The following DISC1 variants were observed in gnomAD, a reference collection of about 807,000 sequenced individuals.
The protein encoded by DISC1 is DISC1 scaffold protein, also known as disrupted in schizophrenia 1 protein.
DISC1 carries 57 observed loss-of-function variants against 84.5 expected under a neutral mutation model. The observed-to-expected ratio is 0.67, with a 90% CI of 0.55 to 0.84. The LOEUF is 0.84. Among genes scored for constraint, DISC1 ranks in the 40% least tolerant of loss-of-function variants. DISC1 has a pLI of 0.00. For synonymous variants in DISC1, 411 were observed against 415.2 expected, an observed-to-expected ratio of 0.99 and a Z score of 0.12; for missense variants, 1,000 against 1,057.8, an observed-to-expected ratio of 0.95 and a Z score of 0.76.
intron 9 of DISC1, among the ~76,000 whole-genome samples, chr1:231,833,432 G>A (rs1307915359): frequency 6.6e-6 from 1 of 151,678 alleles, no homozygotes; most frequent in African/African-American, 2.4e-5. Flanking sequence ...CATCCATGAT[G>A]GTCTAGGGGG....
At chr1:231,709,184 G>A (rs2067478195) in intron 3 of DISC1, among the ~76,000 whole-genome samples, 2 of 152,170 alleles carry the variant, frequency 1.3e-5, no homozygotes, top group African/African-American at 4.8e-5. Flanking sequence ...TAGTGACTTT[G>A]AGCATTGCCC....
chr1:231,926,113 T>G (rs1190238369), intron 9 of DISC1, among the ~76,000 whole-genome samples: 1 of 152,232 alleles, frequency 6.6e-6, no homozygotes, highest in Non-Finnish European at 1.5e-5. Context: ...AGAGAATTAG[T>G]TATTCCATTT....
chr1:231,863,096 G>T (rs574637807), intron 9 of DISC1, among the ~76,000 whole-genome samples: 1 of 152,028 alleles, frequency 6.6e-6, no homozygotes, highest in African/African-American at 2.4e-5. Flanking sequence ...TTAGCTTGCA[G>T]ATAAGCTCCA....
rs1441842370 is a variant in DISC1 at position 231,887,150 on chromosome 1, G to A, written c.1981+68633G>A. 5.3e-5 allele frequency among the ~76,000 whole-genome samples: 8 copies of A among 152,002 alleles called. No individual in the cohort carries two copies. The East Asian group carries it at 5.8e-4, about 11-fold the overall frequency. ...GCTGGGATTACAGGCGTGAGCCACCGTGCCTGGCCCAGACCTGACTACTTG... is the reference window on the plus strand; with the variant it reads ...GCTGGGATTACAGGCGTGAGCCACCATGCCTGGCCCAGACCTGACTACTTG... On this transcript the variant is annotated intron_variant, in intron 9 of 12. Coordinates refer to ENST00000439617, the MANE Select transcript of DISC1 (RefSeq NM_018662.3).
chr1:231,803,792 C>G (rs1338880535), intron 8 of DISC1, among the ~76,000 whole-genome samples: 2 of 151,902 alleles, frequency 1.3e-5, no homozygotes, highest in East Asian at 1.9e-4. Context: ...ACTAAAAATA[C>G]AAAAAATTAG....
chr1:231,780,116 T>C (rs11122333), intron 6 of DISC1, among the ~76,000 whole-genome samples: 22,946 of 151,590 alleles, frequency 0.15, 2,035 homozygotes, highest in Middle Eastern at 0.22. Context: ...AGGGATAGCA[T>C]TGGGAGATAT....
chr1:231,645,135 C>T (rs2060017241), intron 1 of DISC1, among the ~76,000 whole-genome samples: 1 of 152,092 alleles, frequency 6.6e-6, no homozygotes, highest in Admixed American at 6.5e-5. Flanking sequence ...CATCTATGAC[C>T]TAAACCCCAA....
At chr1:231,714,809 G>A (rs972535557) in intron 3 of DISC1, among the ~76,000 whole-genome samples, 1 of 152,096 alleles carries the variant, frequency 6.6e-6, no homozygotes, top group Non-Finnish European at 1.5e-5. Flanking sequence ...GCTGGAGGAA[G>A]CTCTATCATC....
chr1:231,707,535 T>C (rs78385681), intron 3 of DISC1, among the ~76,000 whole-genome samples: 2 of 152,234 alleles, frequency 1.3e-5, no homozygotes, highest in East Asian at 3.9e-4. Flanking sequence ...ACTACATCCT[T>C]AGCACCTATG....
chr1:231,886,798 T>C (rs1346837459), intron 9 of DISC1, among the ~76,000 whole-genome samples: 5 of 141,654 alleles, frequency 3.5e-5, no homozygotes, highest in African/African-American at 8.3e-5. Flanking sequence ...TTTCTTTCTT[T>C]CTTTCTTTCT....
At chr1:231,881,242 C>A (rs895410989) in intron 9 of DISC1, among the ~76,000 whole-genome samples, 2 of 152,160 alleles carry the variant, frequency 1.3e-5, no homozygotes, top group African/African-American at 4.8e-5. Context: ...GCTTGAGCTG[C>A]CATAACCAAA....
At chr1:232,024,014 AAT>A (rs199585866) in intron 11 of DISC1, among the ~76,000 whole-genome samples, 1,824 of 145,090 alleles carry the variant, frequency 0.013, 20 homozygotes, top group Non-Finnish European at 0.018. Flanking sequence ...GGTCAGTAAA[AAT>A]ATATATATAT....
intron 9 of DISC1, among the ~76,000 whole-genome samples, chr1:231,918,851 G>T (rs1297287463): frequency 1.3e-5 from 2 of 152,110 alleles, no homozygotes; most frequent in Non-Finnish European, 2.9e-5. Flanking sequence ...GTGCACCAGC[G>T]CCCACCTCCG....
intron 6 of DISC1, among the ~76,000 whole-genome samples, chr1:231,773,592 G>C (rs546432980): frequency 2.6e-5 from 4 of 152,118 alleles, no homozygotes; most frequent in Non-Finnish European, 5.9e-5. Context: ...CACCATGTTA[G>C]CCAGGATGGT....
intron 5 of DISC1, among the ~76,000 whole-genome samples, chr1:231,768,478 C>G (rs1473405740): frequency 6.6e-6 from 1 of 152,144 alleles, no homozygotes; most frequent in Non-Finnish European, 1.5e-5. Flanking sequence ...GTTTGGATAG[C>G]TGAAAATGTG....
At chr1:231,764,190 G>A (rs1318175738) in intron 4 of DISC1, among the ~76,000 whole-genome samples, 2 of 152,304 alleles carry the variant, frequency 1.3e-5, no homozygotes, top group African/African-American at 2.4e-5. Flanking sequence ...AGCCACAGAT[G>A]TCTGCTCCTC....
intron 9 of DISC1, among the ~76,000 whole-genome samples, chr1:231,848,890 C>A (rs1362453341): frequency 6.6e-6 from 1 of 152,164 alleles, no homozygotes; most frequent in African/African-American, 2.4e-5. Context: ...TATTCATACT[C>A]TGCAGTGTCT....
intron 3 of DISC1, chr1:231,723,282 T>TA: frequency 1.0e-6 from 1 of 985,482 alleles, no homozygotes; most frequent in Non-Finnish European, 1.2e-6. Context: ...ACTCACATGT[T>TA]AAAACCCGTG....
chr1:231,679,195 C>A (rs1227155978), intron 1 of DISC1, among the ~76,000 whole-genome samples: 1 of 152,222 alleles, frequency 6.6e-6, no homozygotes, highest in Non-Finnish European at 1.5e-5. Flanking sequence ...ACTTCCCTGG[C>A]AAGCACTGTC....
Sources: gnomAD v4.1 joint callset for allele counts (sites outside exome capture counted in the v4.1 genomes callset) on GRCh38, gnomAD v4.1.1 for gene constraint, MANE v1.5 for transcripts, NCBI Gene and HGNC (gene_info 2026-07-23, HGNC 2026-07-21) for gene names.